Variants in BLTP1 observed in about 807,000 individuals in gnomAD.
BLTP1 encodes fragile site-associated protein.
At chr4:122,247,074 T>G in the BLTP1 span, 2 of 1,452,980 alleles carry the variant, frequency 1.4e-6, no homozygotes, top group Admixed American at 2.2e-5. Context: ...TTTGTTTTTT[T>G]TAAAGGAAAC....
chr4:122,208,724 A>G, the BLTP1 span: 4 of 877,486 alleles, frequency 4.6e-6, no homozygotes, highest in Non-Finnish European at 5.5e-6. Context: ...AATCTTATTC[A>G]TTATTTACCT....
At chr4:122,348,739 G>C in the BLTP1 span, 1 of 1,472,020 alleles carries the variant, frequency 6.8e-7, no homozygotes, top group African/African-American at 1.4e-5. Flanking sequence ...AGATACAAAG[G>C]AAATGTATTT....
the BLTP1 span, among the ~76,000 whole-genome samples, chr4:122,190,763 T>C: frequency 0.24 from 36,557 of 152,066 alleles, 4,792 homozygotes; most frequent in African/African-American, 0.31. Context: ...GAAATTCATC[T>C]AGTTAGAATT....
chr4:122,229,971 A>C, the BLTP1 span: 4 of 1,613,962 alleles, frequency 2.5e-6, no homozygotes, highest in Admixed American at 5.0e-5. Flanking sequence ...CTCCACAATC[A>C]ATCGGTTGGG....
chr4:122,281,497 C>T, the BLTP1 span: 6 of 1,520,520 alleles, frequency 3.9e-6, no homozygotes, highest in Non-Finnish European at 5.3e-6. Context: ...ATGGTACGTC[C>T]TGTGTTTATT....
chr4:122,326,654 T>C, the BLTP1 span, among the ~76,000 whole-genome samples: 5 of 151,680 alleles, frequency 3.3e-5, no homozygotes, highest in Non-Finnish European at 1.5e-5. Flanking sequence ...ATATTTGAAG[T>C]GATTCAATTC....
chr4:122,163,841 A>G, the BLTP1 span, among the ~76,000 whole-genome samples: 1 of 152,190 alleles, frequency 6.6e-6, no homozygotes, highest in African/African-American at 2.4e-5. Flanking sequence ...CTGGAACAAT[A>G]TAGTCTGAAG....
chr4:122,304,774 T>C, the BLTP1 span: 1 of 1,606,060 alleles, frequency 6.2e-7, no homozygotes, highest in African/African-American at 1.3e-5. Context: ...TTCATTTTTT[T>C]CCTCCTAACA....
chr4:122,286,804 T>C, the BLTP1 span: 4 of 1,597,068 alleles, frequency 2.5e-6, no homozygotes, highest in Non-Finnish European at 3.4e-6. Flanking sequence ...ACTTTAAAAT[T>C]TTCTTACTCT....
the BLTP1 span, chr4:122,315,784 A>T: frequency 9.0e-7 from 1 of 1,106,684 alleles, no homozygotes; most frequent in Non-Finnish European, 1.3e-6. Context: ...TATAGTTGCT[A>T]TTTGTGGAGG....
the BLTP1 span, among the ~76,000 whole-genome samples, chr4:122,234,455 C>T: frequency 6.6e-6 from 1 of 151,560 alleles, no homozygotes; most frequent in Admixed American, 6.6e-5. Flanking sequence ...ATGTTTACTA[C>T]ATTGTAAAAC....
the BLTP1 span, among the ~76,000 whole-genome samples, chr4:122,157,533 T>C: frequency 8.0e-4 from 122 of 152,290 alleles, 2 homozygotes; most frequent in South Asian, 0.025. Context: ...ATAATTGGGT[T>C]TGTGCTCCTA....
the BLTP1 span, chr4:122,254,992 T>G: frequency 6.5e-7 from 1 of 1,537,614 alleles, no homozygotes; most frequent in South Asian, 1.2e-5. Flanking sequence ...TATACAAACT[T>G]TAGTATTGAA....
At chr4:122,243,807 T>G in the BLTP1 span, 2 of 1,431,140 alleles carry the variant, frequency 1.4e-6, no homozygotes, top group Non-Finnish European at 1.8e-6. Context: ...CTCCAACTTC[T>G]AATTCATGGT....
the BLTP1 span, among the ~76,000 whole-genome samples, chr4:122,267,999 T>C: frequency 6.6e-6 from 1 of 152,136 alleles, no homozygotes; most frequent in Admixed American, 6.5e-5. Context: ...AATATTTCTA[T>C]TTAAATTTTA....
chr4:122,319,774 C>T, the BLTP1 span, among the ~76,000 whole-genome samples: 2 of 151,932 alleles, frequency 1.3e-5, no homozygotes, highest in African/African-American at 2.4e-5. Flanking sequence ...TGTCTTACCT[C>T]GTGATCCACC....
At chr4:122,178,246 C>T in the BLTP1 span, 1 of 595,876 alleles carries the variant, frequency 1.7e-6, no homozygotes, top group Non-Finnish European at 2.1e-6. Context: ...TCAAAATTTA[C>T]CAGGAAACTC....
chr4:122,195,124 A>T, the BLTP1 span, among the ~76,000 whole-genome samples: 1 of 152,204 alleles, frequency 6.6e-6, no homozygotes, highest in East Asian at 1.9e-4. Flanking sequence ...AGGCATACAG[A>T]AAGAAATCTC....
the BLTP1 span, chr4:122,307,996 G>GC: frequency 6.2e-7 from 1 of 1,613,368 alleles, no homozygotes; most frequent in East Asian, 2.2e-5. Context: ...CAACTGGAAT[G>GC]AACAACGAAT....
Sources: gnomAD v4.1 joint callset for allele counts (sites outside exome capture counted in the v4.1 genomes callset) on GRCh38, gnomAD v4.1.1 for gene constraint, MANE v1.5 for transcripts, NCBI Gene and HGNC (gene_info 2026-07-23, HGNC 2026-07-21) for gene names.